The following CDH18 variants were observed in gnomAD, a reference collection of about 807,000 sequenced individuals.
CDH18 encodes cadherin 18.
In CDH18, 31 loss-of-function variants were observed where a neutral mutation model predicts 67.9. The observed-to-expected ratio is 0.46, with a 90% CI of 0.34 to 0.62. CDH18 has a LOEUF of 0.62. Among genes scored for constraint, CDH18 ranks in the 20% least tolerant of loss-of-function variants. CDH18 has a pLI of 0.01. For missense variants in CDH18, 890 were observed against 975.5 expected, an observed-to-expected ratio of 0.91 and a Z score of 1.17; for synonymous variants, 362 against 347.2, an observed-to-expected ratio of 1.04 and a Z score of -0.48.
At chr5:19,759,708 C>T (rs183991647) in intron 3 of CDH18, among the ~76,000 whole-genome samples, 5 of 152,138 alleles carry the variant, frequency 3.3e-5, no homozygotes, top group East Asian at 1.9e-4. Flanking sequence ...TTTTCCTTTC[C>T]CCAATGCATG....
intron 2 of CDH18, among the ~76,000 whole-genome samples, chr5:20,009,696 G>A (rs557341934): frequency 1.5e-4 from 23 of 152,184 alleles, no homozygotes; most frequent in African/African-American, 5.5e-4. Context: ...AGGGAAGGTG[G>A]TAATACTTAA....
At chr5:19,557,542 C>A (rs1422876111) in intron 8 of CDH18, among the ~76,000 whole-genome samples, 1 of 151,852 alleles carries the variant, frequency 6.6e-6, no homozygotes, top group Non-Finnish European at 1.5e-5. Flanking sequence ...GACAGAGGGA[C>A]TTTATGTAAT....
At chr5:19,986,339 C>T (rs1455241419) in intron 1 of CDH18, among the ~76,000 whole-genome samples, 1 of 152,020 alleles carries the variant, frequency 6.6e-6, no homozygotes, top group African/African-American at 2.4e-5. Context: ...AGTTTCCTGC[C>T]ACTCACTGTC....
intron 2 of CDH18, among the ~76,000 whole-genome samples, chr5:20,015,727 G>A (rs1737821157): frequency 6.6e-6 from 1 of 152,092 alleles, no homozygotes; most frequent in East Asian, 1.9e-4. Context: ...ATTACTGAAT[G>A]TTCCCAGTAT....
upstream of CDH18, among the ~76,000 whole-genome samples, chr5:19,989,340 T>C (rs1799847053): frequency 6.6e-6 from 1 of 152,172 alleles, no homozygotes; most frequent in Non-Finnish European, 1.5e-5. Context: ...GTTCAGAATG[T>C]TAAAGGAACA....
At chr5:20,530,239 C>T (rs1561099871) in intron 1 of CDH18, among the ~76,000 whole-genome samples, 2 of 151,832 alleles carry the variant, frequency 1.3e-5, no homozygotes, top group Non-Finnish European at 2.9e-5. Context: ...TCAGAGAGGA[C>T]ATAAGCAGGT....
intron 1 of CDH18, among the ~76,000 whole-genome samples, chr5:20,398,009 G>A (rs1745422327): frequency 6.6e-6 from 1 of 152,046 alleles, no homozygotes; most frequent in Non-Finnish European, 1.5e-5. Flanking sequence ...CACTTCCTCA[G>A]TTGCACTAGC....
chr5:20,306,294 G>C (rs1736446161), intron 1 of CDH18, among the ~76,000 whole-genome samples: 1 of 149,082 alleles, frequency 6.7e-6, no homozygotes, highest in South Asian at 2.2e-4. Flanking sequence ...TTCAATAGCA[G>C]GTTTTTTTCA....
At chr5:19,989,947 A>G (rs1201983140), upstream of CDH18, among the ~76,000 whole-genome samples, 1 of 152,206 alleles carries the variant, frequency 6.6e-6, no homozygotes, top group African/African-American at 2.4e-5. Flanking sequence ...TTTAGAAAAA[A>G]GTGGAACGGA....
intron 2 of CDH18, among the ~76,000 whole-genome samples, chr5:20,173,792 A>G (rs1326403074): frequency 6.6e-6 from 1 of 152,214 alleles, no homozygotes; most frequent in East Asian, 1.9e-4. Context: ...ATTCACTAAG[A>G]CAAATAGGGT....
intron 1 of CDH18, among the ~76,000 whole-genome samples, chr5:20,266,368 A>G (rs1745031037): frequency 6.6e-6 from 1 of 152,052 alleles, no homozygotes; most frequent in Non-Finnish European, 1.5e-5. Context: ...TAAATATAGA[A>G]ATTAGAGTTA....
intron 1 of CDH18, among the ~76,000 whole-genome samples, chr5:20,460,398 CATAAATAAATAAATAAATAA>C (rs71688150): frequency 3.5e-4 from 50 of 141,212 alleles, no homozygotes; most frequent in African/African-American, 6.9e-4. Context: ...TCTCTAAATA[CATAAATAAATAAATAAATAA>C]ATAAATAAAT....
intron 2 of CDH18, among the ~76,000 whole-genome samples, chr5:20,193,668 A>T (rs2126726249): frequency 6.6e-6 from 1 of 152,290 alleles, no homozygotes; most frequent in East Asian, 1.9e-4. Context: ...TAATGCCAAT[A>T]TCCCTGGATG....
intron 2 of CDH18, among the ~76,000 whole-genome samples, chr5:20,204,201 A>C (rs936775051): frequency 6.6e-6 from 1 of 152,072 alleles, no homozygotes; most frequent in Non-Finnish European, 1.5e-5. Context: ...CGTAATAACC[A>C]AACTCTGCAA....
intron 5 of CDH18, among the ~76,000 whole-genome samples, chr5:19,708,961 T>C (rs1474463930): frequency 6.6e-6 from 1 of 151,856 alleles, no homozygotes; most frequent in Non-Finnish European, 1.5e-5. Flanking sequence ...CGAGACAAGA[T>C]GGTGCCACTG....
At chr5:20,484,070 AC>A (rs1561051100) in intron 1 of CDH18, among the ~76,000 whole-genome samples, 1 of 151,924 alleles carries the variant, frequency 6.6e-6, no homozygotes, top group Non-Finnish European at 1.5e-5. Flanking sequence ...ATAAGAATAA[AC>A]AACTCTATAG....
At chr5:19,831,152 T>C (rs1034317672) in intron 3 of CDH18, among the ~76,000 whole-genome samples, 2 of 152,154 alleles carry the variant, frequency 1.3e-5, no homozygotes, top group African/African-American at 2.4e-5. Flanking sequence ...AATTTACCTA[T>C]ATAACAAACC....
intron 1 of CDH18, among the ~76,000 whole-genome samples, chr5:20,363,734 C>T (rs1337974852): frequency 4.3e-5 from 6 of 140,578 alleles, no homozygotes; most frequent in African/African-American, 1.5e-4. Flanking sequence ...TTTTTTTTTA[C>T]ACTTTCTCAG....
At chr5:19,756,440 T>A (rs1307517648) in intron 3 of CDH18, among the ~76,000 whole-genome samples, 1 of 152,194 alleles carries the variant, frequency 6.6e-6, no homozygotes, top group Admixed American at 6.5e-5. Context: ...CAGGTCATGA[T>A]ATTTTCCTGG....
Sources: allele counts gnomAD v4.1 joint callset (sites outside exome capture counted in the v4.1 genomes callset), GRCh38; gene constraint gnomAD v4.1.1; transcripts MANE v1.5; gene names NCBI Gene and HGNC (gene_info 2026-07-23, HGNC 2026-07-21).